The following HS3ST5 variants were observed in gnomAD, a reference collection of about 807,000 sequenced individuals.
HS3ST5 encodes the protein heparan sulfate glucosamine 3-O-sulfotransferase 5.
A neutral mutation model predicts 25.4 loss-of-function variants in HS3ST5; 10 were observed. That is an observed-to-expected ratio of 0.39 (90% CI 0.24 to 0.67). The LOEUF (loss-of-function observed/expected upper bound fraction) is 0.67, where lower values mean the gene tolerates loss of function less well. Ranked by LOEUF, HS3ST5 falls within the 30% of genes least tolerant of loss-of-function variation. The pLI is 0.44. For missense variants in HS3ST5, 324 were observed against 420.7 expected (o/e 0.77, Z 2.01); for synonymous variants, 170 against 162.4 (o/e 1.05, Z -0.36).
chr6:114,216,690 G>GA (rs1329061863), intron 2 of HS3ST5, among the ~76,000 whole-genome samples: 1 of 86,814 alleles, frequency 1.2e-5, no homozygotes, highest in African/African-American at 4.1e-5. Flanking sequence ...AAACCTTCAG[G>GA]AAAAAAACCC....
intron 3 of HS3ST5, among the ~76,000 whole-genome samples, chr6:114,121,445 A>G (rs1776780532): frequency 6.6e-6 from 1 of 152,214 alleles, no homozygotes; most frequent in Admixed American, 6.5e-5. Flanking sequence ...TATTTTTTGC[A>G]TTAAAGAAAA....
At chr6:114,108,483 C>T (rs990574956) in intron 3 of HS3ST5, among the ~76,000 whole-genome samples, 1 of 152,084 alleles carries the variant, frequency 6.6e-6, no homozygotes, top group Admixed American at 6.5e-5. Flanking sequence ...TTGTGGCCAC[C>T]TGGTGATGCC....
chr6:114,264,767 G>A (rs1222123417), intron 1 of HS3ST5, among the ~76,000 whole-genome samples: 3 of 152,168 alleles, frequency 2.0e-5, no homozygotes, highest in Admixed American at 6.5e-5. Flanking sequence ...GATCACCTAT[G>A]AGGAAAGTTT....
intron 1 of HS3ST5, among the ~76,000 whole-genome samples, chr6:114,321,130 C>T (rs865836768): frequency 6.6e-6 from 1 of 151,958 alleles, no homozygotes; most frequent in Non-Finnish European, 1.5e-5. Flanking sequence ...GGGCAATTCA[C>T]CCAACTACTA....
chr6:114,115,769 C>T (rs17794523), intron 3 of HS3ST5, among the ~76,000 whole-genome samples: 11,713 of 151,902 alleles, frequency 0.077, 554 homozygotes, highest in East Asian at 0.13. Context: ...CTATGATTGA[C>T]GGTGGTAAAT....
At chr6:114,298,222 T>C (rs1415916761) in intron 1 of HS3ST5, among the ~76,000 whole-genome samples, 1 of 152,200 alleles carries the variant, frequency 6.6e-6, no homozygotes, top group Non-Finnish European at 1.5e-5. Context: ...TAAATGACCA[T>C]GATGATTTTT....
intron 3 of HS3ST5, among the ~76,000 whole-genome samples, chr6:114,093,726 T>C (rs1019724549): frequency 5.9e-5 from 9 of 151,846 alleles, no homozygotes; most frequent in African/African-American, 1.9e-4. Context: ...AAGCTGGAAC[T>C]AAAATCTGAG....
intron 2 of HS3ST5, among the ~76,000 whole-genome samples, chr6:114,177,807 A>T (rs1230588566): frequency 2.6e-5 from 4 of 152,220 alleles, no homozygotes; most frequent in African/African-American, 9.6e-5. Flanking sequence ...CAAACTCTGT[A>T]AAATTATACC....
At chr6:114,281,571 G>T (rs1774112618) in intron 1 of HS3ST5, among the ~76,000 whole-genome samples, 1 of 151,970 alleles carries the variant, frequency 6.6e-6, no homozygotes, top group Non-Finnish European at 1.5e-5. Context: ...TGATGTTAGG[G>T]ATAGTGAGGA....
intron 3 of HS3ST5, among the ~76,000 whole-genome samples, chr6:114,113,076 A>C (rs948610631): frequency 1.3e-5 from 2 of 152,134 alleles, no homozygotes; most frequent in Non-Finnish European, 2.9e-5. Context: ...CAAATGCCAT[A>C]TCCAAAGGCA....
At chr6:114,273,925 G>A (rs1344853044) in intron 1 of HS3ST5, among the ~76,000 whole-genome samples, 1 of 151,976 alleles carries the variant, frequency 6.6e-6, no homozygotes, top group Non-Finnish European at 1.5e-5. Flanking sequence ...GTAGCTGAAG[G>A]GAGAAGTAGG....
At chr6:114,150,002 A>C (rs1209391487) in intron 3 of HS3ST5, among the ~76,000 whole-genome samples, 1 of 152,184 alleles carries the variant, frequency 6.6e-6, no homozygotes, top group Non-Finnish European at 1.5e-5. Context: ...AAGTGAGGCT[A>C]TTCATGTTAG....
chr6:114,242,491 T>C (rs1301758616), intron 1 of HS3ST5, among the ~76,000 whole-genome samples: 2 of 152,170 alleles, frequency 1.3e-5, no homozygotes, highest in Non-Finnish European at 2.9e-5. Context: ...TAGAGGAGGA[T>C]ACTCAAGAAA....
intron 3 of HS3ST5, among the ~76,000 whole-genome samples, chr6:114,087,750 G>A (rs1033922456): frequency 6.6e-6 from 1 of 152,100 alleles, no homozygotes; most frequent in Non-Finnish European, 1.5e-5. Flanking sequence ...TAACCTGTGA[G>A]TCGACCACCA....
chr6:114,141,928 G>A (rs1278201362), intron 3 of HS3ST5, among the ~76,000 whole-genome samples: 1 of 151,380 alleles, frequency 6.6e-6, no homozygotes, highest in Non-Finnish European at 1.5e-5. Context: ...AGCCTGCCAT[G>A]CGAATGGCTC....
chr6:114,096,163 G>T (rs991071913), intron 3 of HS3ST5, among the ~76,000 whole-genome samples: 2 of 152,100 alleles, frequency 1.3e-5, no homozygotes, highest in Non-Finnish European at 1.5e-5. Context: ...AGTGGAAAAA[G>T]CATCAAAAAT....
chr6:114,056,488 T>G lies in HS3ST5; in HGVS notation c.*769A>C, dbSNP rs1360476305. ...GAGTAATTTTAATCCATTCCATTTT[T>G]AAATACCACAATAAATTTAATTTTC... On this transcript the variant is annotated 3_prime_UTR_variant, in exon 5 of 5. Transcript: ENST00000312719. 1 of 152,172 alleles carries G rather than the reference T, an allele frequency of 6.6e-6. No homozygotes were observed. Among genetic ancestry groups the G allele is most frequent in the African/African-American group, 2.4e-5 (1 of 41,442 alleles). The allele number at this position is 152,172 out of a possible 1,614,324, so 9.4% of individuals were successfully genotyped here.
At chr6:114,091,811 T>C (rs1185859485) in intron 3 of HS3ST5, among the ~76,000 whole-genome samples, 7 of 152,192 alleles carry the variant, frequency 4.6e-5, no homozygotes, top group African/African-American at 7.2e-5. Flanking sequence ...TTTCTTCCTA[T>C]GATGATTTTT....
chr6:114,155,303 C>T (rs534235009), intron 3 of HS3ST5, among the ~76,000 whole-genome samples: 6 of 149,974 alleles, frequency 4.0e-5, no homozygotes, highest in African/African-American at 1.2e-4. Context: ...TAATAGGACA[C>T]GAATAAATAT....
Sources: gnomAD v4.1 joint callset for allele counts (sites outside exome capture counted in the v4.1 genomes callset) on GRCh38, gnomAD v4.1.1 for gene constraint, MANE v1.5 for transcripts, NCBI Gene and HGNC (gene_info 2026-07-23, HGNC 2026-07-21) for gene names.